The following NBPF11 variants were observed in gnomAD, a reference collection of about 807,000 sequenced individuals.
The protein encoded by NBPF11 is NBPF family member NBPF11.
A neutral mutation model predicts 93.9 loss-of-function variants in NBPF11; 72 were observed. The observed-to-expected ratio is 0.77, with a 90% CI of 0.63 to 0.93. The LOEUF (loss-of-function observed/expected upper bound fraction) is 0.93, where lower values mean the gene tolerates loss of function less well. Ranked by LOEUF, NBPF11 falls within the 40% of genes least tolerant of loss-of-function variation. The pLI, the probability that NBPF11 is intolerant of heterozygous loss-of-function variation, is 0.00. For synonymous variants in NBPF11, 224 were observed against 304.9 expected (o/e 0.73, Z 2.76); for missense variants, 705 against 802.2 (o/e 0.88, Z 1.46).
At chr1:148,134,626 C>T (rs1294348206) in intron 4 of NBPF11, among the ~76,000 whole-genome samples, 1 of 150,434 alleles carries the variant, frequency 6.6e-6, no homozygotes, top group Non-Finnish European at 1.5e-5. Flanking sequence ...AGCACTCAAC[C>T]AGGAGTCAAG....
intron 5 of NBPF11, among the ~76,000 whole-genome samples, chr1:148,125,869 C>T (rs1553272918): frequency 0.13 from 19,728 of 151,790 alleles, 1,432 homozygotes; most frequent in East Asian, 0.28. Flanking sequence ...TTGCACACTG[C>T]ACTGCTGCTT....
intron 4 of NBPF11, chr1:148,130,038 T>G (rs1226691911): frequency 7.4e-6 from 1 of 135,272 alleles, no homozygotes; most frequent in Non-Finnish European, 1.6e-5. Flanking sequence ...GGGCCAGGGA[T>G]AGATGGACAG....
rs1406521996 is a variant in NBPF11 at position 148,103,462 on chromosome 1, T to C, written c.*434A>G. 1 of 789,548 alleles carries C rather than the reference T, an allele frequency of 1.3e-6. No individual in the cohort carries two copies. Among genetic ancestry groups the C allele is most frequent in the Non-Finnish European group, 2.0e-6 (1 of 505,870 alleles). The allele number at this position is 789,548 out of a possible 1,614,324, so 48.9% of individuals were successfully genotyped here. A position where few individuals can be genotyped will look rare whatever the true frequency, so the allele number is the denominator to read the frequency against. ...ACTCCCGGCATGTGCTGCACAGTTATGTGAACGTGTCACACCTAACGTGGG... is the reference window on the plus strand; with the variant it reads ...ACTCCCGGCATGTGCTGCACAGTTACGTGAACGTGTCACACCTAACGTGGG... On this transcript the variant is annotated 3_prime_UTR_variant, in exon 24 of 24. Transcript: ENST00000682118.
At chr1:148,111,213 C>CA (rs1338237957) in intron 15 of NBPF11, among the ~76,000 whole-genome samples, 1 of 151,996 alleles carries the variant, frequency 6.6e-6, no homozygotes, top group Non-Finnish European at 1.5e-5. Flanking sequence ...TCAACATCAA[C>CA]AAAAAAGACA....
rs1374694405 is a variant in NBPF11 at position 148,102,780 on chromosome 1, TC to T, written c.*1115del. On this transcript the variant is annotated 3_prime_UTR_variant, in exon 24 of 24. Transcript: ENST00000682118. The stretch of plus-strand genomic sequence containing the variant: ...AGCTACATTATCTTTTTACTTTTTT[TC>T]AACCCAAAATATCTCTTCTCCTTTT... 2 of 150,742 alleles carry T rather than the reference TC, an allele frequency of 1.3e-5. No homozygotes were observed. The highest frequency in any genetic ancestry group is 4.9e-5 in the African/African-American group (2 of 40,618). The allele number at this position is 150,742 out of a possible 1,614,324, so 9.3% of individuals were successfully genotyped here.
intron 2 of NBPF11, among the ~76,000 whole-genome samples, chr1:148,138,242 T>C (rs1671652305): frequency 1.3e-5 from 2 of 150,980 alleles, no homozygotes; most frequent in African/African-American, 4.9e-5. Flanking sequence ...TTCTCCTATC[T>C]CAGTAGATGG....
At chr1:148,141,809 C>A (rs1672212364) in intron 2 of NBPF11, among the ~76,000 whole-genome samples, 1 of 151,720 alleles carries the variant, frequency 6.6e-6, no homozygotes, top group Non-Finnish European at 1.5e-5. Context: ...GAGGAGGAGG[C>A]TGGGAGGACC....
chr1:148,146,560 C>G, intron 1 of NBPF11: 1 of 1,605,708 alleles, frequency 6.2e-7, no homozygotes, highest in Non-Finnish European at 8.5e-7. Context: ...CTTGGGGACC[C>G]TGAGAGCCTC....
At chr1:148,141,789 C>T (rs1471941215) in intron 2 of NBPF11, among the ~76,000 whole-genome samples, 4 of 151,656 alleles carry the variant, frequency 2.6e-5, no homozygotes, top group Non-Finnish European at 5.9e-5. Context: ...GTGGCACCCA[C>T]AAATCAGAGG....
At chr1:148,126,294 C>A (rs1356074722) in intron 5 of NBPF11, among the ~76,000 whole-genome samples, 7 of 152,054 alleles carry the variant, frequency 4.6e-5, no homozygotes, top group Admixed American at 1.3e-4. Context: ...CCACGTTGCA[C>A]GGCCCCTACT....
At position 148,122,778 on chromosome 1, in the gene NBPF11, C is replaced by T. The variant is rs1227246835; in HGVS notation, c.517G>A (p.Asp173Asn). 1.9e-6 allele frequency: 3 copies of T among 1,610,048 alleles called. No homozygotes were observed. The highest frequency in any genetic ancestry group is 1.7e-5 in the Admixed American group (1 of 60,010). The change falls in exon 8 of 24, where the codon GAT becomes AAT. Residue 173 changes from aspartate to asparagine, a missense_variant. Physicochemically the swap from Asp to Asn is conservative, Grantham distance 23 (BLOSUM62 1). Coordinates refer to ENST00000682118, the MANE Select transcript of NBPF11 (RefSeq NM_001385469.3). Reference sequence around the variant, plus strand: ...TTCTCATCCTCCTCAACTTGAACATCTTCATCCTCATCTTCGTCATTTTCT... The same window carrying T: ...TTCTCATCCTCCTCAACTTGAACATTTTCATCCTCATCTTCGTCATTTTCT... ...SPENDEDEDE[D>N]VQVEEDEKVL...
intron 14 of NBPF11, 147 bp downstream of exon 14, chr1:148,115,646 G>C (rs1666343517): frequency 5.3e-6 from 7 of 1,314,014 alleles, no homozygotes; most frequent in Non-Finnish European, 6.4e-6. Flanking sequence ...GACATTAGCT[G>C]AGAAGGACAA....
chr1:148,122,326 A>G (rs7535785), intron 8 of NBPF11, 60 bp from the exon 9 acceptor site: 11 of 1,609,924 alleles, frequency 6.8e-6, no homozygotes, highest in Middle Eastern at 2.2e-4. Flanking sequence ...TTGGACCCCA[A>G]GGAGTCCTAG....
rs1185020831 is a variant in NBPF11, at chr1:148,106,829, C to A, written c.2251+113G>T. On this transcript the variant is annotated intron_variant, in intron 20 of 23. Coordinates refer to ENST00000682118, the MANE Select transcript of NBPF11 (RefSeq NM_001385469.3). Reference sequence around the variant, plus strand: ...TTACAACCTATATGCACCCATAGGTCCTGCCTGTGGCAATGAAGTCTCTCG... The same window carrying A: ...TTACAACCTATATGCACCCATAGGTACTGCCTGTGGCAATGAAGTCTCTCG... The A allele has an allele frequency of 1.2e-5, 9 of 781,368 alleles. 1 individual carries two copies. Among genetic ancestry groups the A allele is most frequent in the African/African-American group, 1.8e-5 (1 of 54,190 alleles). 48.4% of individuals were successfully genotyped at this position (781,368 alleles called of 1,614,324 possible). A position where few individuals can be genotyped will look rare whatever the true frequency, so the allele number is the denominator to read the frequency against.
intron 14 of NBPF11, among the ~76,000 whole-genome samples, chr1:148,114,863 A>G (rs1666105285): frequency 6.6e-6 from 1 of 151,674 alleles, no homozygotes; most frequent in African/African-American, 2.4e-5. Flanking sequence ...GCATCTATAC[A>G]TGAAACACGA....
chr1:148,111,511 G>T (rs1665259400), intron 15 of NBPF11, among the ~76,000 whole-genome samples: 2 of 151,980 alleles, frequency 1.3e-5, no homozygotes, highest in South Asian at 4.1e-4. Flanking sequence ...CTTAAAAAAA[G>T]ATTAGACGAA....
intron 5 of NBPF11, among the ~76,000 whole-genome samples, chr1:148,126,351 GA>G (rs1308453837): frequency 6.6e-6 from 1 of 151,436 alleles, no homozygotes; most frequent in Non-Finnish European, 1.5e-5. Flanking sequence ...GTTCTATTAG[GA>G]GCAGACTCCT....
chr1:148,112,916 T>C (rs1337128207), intron 15 of NBPF11, among the ~76,000 whole-genome samples: 2 of 151,262 alleles, frequency 1.3e-5, no homozygotes, highest in East Asian at 1.9e-4. Flanking sequence ...GAGAAGCAAA[T>C]GCTGAGAGAT....
At chr1:148,126,521 G>A (rs1368217935) in intron 5 of NBPF11, among the ~76,000 whole-genome samples, 1 of 152,006 alleles carries the variant, frequency 6.6e-6, no homozygotes, top group Non-Finnish European at 1.5e-5. Context: ...TTATTTGTCT[G>A]CAGGATCTTA....
Sources: gnomAD v4.1 joint callset for allele counts (sites outside exome capture counted in the v4.1 genomes callset) on GRCh38, gnomAD v4.1.1 for gene constraint, MANE v1.5 for transcripts, NCBI Gene and HGNC (gene_info 2026-07-23, HGNC 2026-07-21) for gene names.